Variants in EHD2 observed in about 807,000 individuals in gnomAD.
The protein encoded by EHD2 is EH domain-containing protein 2.
EHD2 carries 27 observed loss-of-function variants against 41.0 expected under a neutral mutation model. The observed-to-expected ratio is 0.66, with a 90% CI of 0.49 to 0.91. The LOEUF (loss-of-function observed/expected upper bound fraction) is 0.91, where lower values mean the gene tolerates loss of function less well. EHD2 is among the 40% of genes least tolerant of loss of function. The pLI is 0.00. For synonymous variants in EHD2, 342 were observed against 341.0 expected, an observed-to-expected ratio of 1.00 and a Z score of -0.03; for missense variants, 673 against 773.9, an observed-to-expected ratio of 0.87 and a Z score of 1.55.
intron 5 of EHD2, among the ~76,000 whole-genome samples, chr19:47,740,674 A>G (rs1328666802): frequency 1.3e-5 from 2 of 152,178 alleles, no homozygotes; most frequent in African/African-American, 4.8e-5. Context: ...TGAAACCGGA[A>G]GGCGGACGTT....
At chr19:47,730,109 C>T (rs1156546778) in intron 4 of EHD2, among the ~76,000 whole-genome samples, 2 of 152,048 alleles carry the variant, frequency 1.3e-5, no homozygotes, top group African/African-American at 2.4e-5. Context: ...CCCCGCCGGG[C>T]TGGGGGCGGC....
At position 47,726,111 on chromosome 19, in the gene EHD2, C is replaced by A. The variant is rs560354382; in HGVS notation, c.802C>A (p.Arg268=). Residue 268 remains arginine (R), a synonymous_variant, in exon 4 of 6, where the codon CGG becomes AGG. Transcript: ENST00000263277. ...WSQPLLVPDN[R]RLFELEEQDL... ...CCAGCCCCTCCTCGTGCCCGACAACCGGCGCCTCTTCGAGCTGGAGGAGCA... is the reference window on the plus strand; with the variant it reads ...CCAGCCCCTCCTCGTGCCCGACAACAGGCGCCTCTTCGAGCTGGAGGAGCA... 2.5e-5 allele frequency: 39 copies of A among 1,575,474 alleles called. No individual in the cohort carries two copies. In the South Asian group the frequency reaches 4.0e-4, roughly 16 times the overall value.
chr19:47,733,771 A>AAAAAAAAAAAAAAAAAACAAAAAAAAC (rs1568592556), intron 4 of EHD2, among the ~76,000 whole-genome samples: 1 of 149,786 alleles, frequency 6.7e-6, no homozygotes. Flanking sequence ...AAAAAAAAAA[A>AAAAAAAAAAAAAAAAAACAAAAAAAAC]AAAATCCACT....
chr19:47,735,409 C>T (rs1177235384), intron 4 of EHD2, among the ~76,000 whole-genome samples: 1 of 152,110 alleles, frequency 6.6e-6, no homozygotes, highest in Non-Finnish European at 1.5e-5. Flanking sequence ...CAGTGTGGCA[C>T]CTCCGCCTGC....
chr19:47,731,484 A>AT (rs935978837), intron 4 of EHD2: 1 of 149,150 alleles, frequency 6.7e-6, no homozygotes, highest in African/African-American at 2.5e-5. Flanking sequence ...TAATTTTTGT[A>AT]TTTTTAGTAG....
intron 3 of EHD2, among the ~76,000 whole-genome samples, chr19:47,723,644 A>T (rs1386374083): frequency 2.6e-5 from 3 of 117,298 alleles, no homozygotes; most frequent in Non-Finnish European, 4.9e-5. Flanking sequence ...CGACAGCGAG[A>T]CTCCGTCTGA....
chr19:47,726,058 TGCGC>T lies in EHD2; in HGVS notation c.751_754del (p.Arg251SerfsTer47). 6.3e-7 allele frequency: 1 copy of T among 1,585,908 alleles called. No individual in the cohort carries two copies. Among genetic ancestry groups the T allele is most frequent in the East Asian group, 2.3e-5 (1 of 43,200 alleles). ...AAGGTGGTGGGCACGCCCGAGGTGC[TGCGC>T]GTCTACATCGGCTCCTTCTGGTCCC... On this transcript the variant is annotated frameshift_variant, in exon 4 of 6. Transcript: ENST00000263277. LOFTEE classifies it high-confidence loss of function.
intron 5 of EHD2, among the ~76,000 whole-genome samples, chr19:47,740,155 CAGG>C (rs1966969954): frequency 1.3e-5 from 2 of 152,262 alleles, no homozygotes; most frequent in South Asian, 4.1e-4. Flanking sequence ...GGCTTGAGCT[CAGG>C]AGTTCGAGAC....
rs549206164 is a variant in EHD2 at position 47,719,434 on chromosome 19, G to A, written c.502+828G>A. ...AACAGCTGTGCAAGGAGAGTGGCGG[G>A]GGGTGGATTCCAGCCGGGGCCTCCG... On this transcript the variant is annotated intron_variant, in intron 3 of 5. Coordinates refer to ENST00000263277, the MANE Select transcript of EHD2 (RefSeq NM_014601.4). The surrounding 1 kb of genome is among the most constrained non-coding windows in gnomAD (Gnocchi z 4.1). Among the ~76,000 whole-genome samples, 4 of 152,200 alleles carry A rather than the reference G, an allele frequency of 2.6e-5. No homozygotes were observed. The highest frequency in any genetic ancestry group is 9.6e-5 in the African/African-American group (4 of 41,534).
In EHD2 at chr19:47,742,140, C is replaced by CT; in HGVS notation, c.*710dup. 3.1e-6 allele frequency: 1 copy of CT among 326,144 alleles called. No individual in the cohort carries two copies. Among genetic ancestry groups the CT allele is most frequent in the South Asian group, 2.2e-5 (1 of 44,774 alleles). 20.2% of individuals were successfully genotyped at this position (326,144 alleles called of 1,614,324 possible). ...ACCCATTTATTTCCTTCCTTCCTTC[C>CT]TTCTTTTCTTTCCTTCCTTCCTTCT... On this transcript the variant is annotated 3_prime_UTR_variant, in exon 6 of 6. Transcript: ENST00000263277.
At chr19:47,723,398 A>G (rs1343109269) in intron 3 of EHD2, among the ~76,000 whole-genome samples, 2 of 152,192 alleles carry the variant, frequency 1.3e-5, no homozygotes, top group Non-Finnish European at 2.9e-5. Context: ...TCAGTGGCTC[A>G]TGCCTGTAAT....
At chr19:47,733,685 T>C (rs933786934) in intron 4 of EHD2, among the ~76,000 whole-genome samples, 2 of 115,796 alleles carry the variant, frequency 1.7e-5, no homozygotes, top group Admixed American at 2.2e-4. Flanking sequence ...AATAAATAAA[T>C]AAATAAATAA....
chr19:47,720,266 T>C (rs1973681564), intron 3 of EHD2, among the ~76,000 whole-genome samples: 1 of 152,020 alleles, frequency 6.6e-6, no homozygotes, highest in South Asian at 2.1e-4. Context: ...CGAGTTCAAG[T>C]GGCTCTGCTG....
intron 3 of EHD2, among the ~76,000 whole-genome samples, chr19:47,724,981 CAAAAAAAAAAAAAAAAAAA>C (rs57660216): frequency 1.3e-4 from 7 of 53,818 alleles, no homozygotes; most frequent in African/African-American, 3.6e-4. Context: ...GACTCTGTCT[CAAAAAAAAAAAAAAAAAAA>C]AAAAAAAAAA....
At chr19:47,735,175 A>G (rs1055258557) in intron 4 of EHD2, among the ~76,000 whole-genome samples, 1 of 152,218 alleles carries the variant, frequency 6.6e-6, no homozygotes, top group Non-Finnish European at 1.5e-5. Context: ...TCTGAGGGCT[A>G]GGCTCAAATT....
chr19:47,736,612 A>C, intron 5 of EHD2, 79 bp downstream of exon 5: 2 of 1,466,090 alleles, frequency 1.4e-6, no homozygotes, highest in Non-Finnish European at 1.8e-6. Context: ...ATGGGACCTC[A>C]AAAGCCAGAG....
intron 2 of EHD2, among the ~76,000 whole-genome samples, chr19:47,718,251 C>T (rs894230313): frequency 3.0e-5 from 4 of 131,978 alleles, no homozygotes; most frequent in African/African-American, 1.2e-4. Context: ...CCAGCCTGGG[C>T]GACAACAGCA....
chr19:47,723,823 G>A (rs1181084675), intron 3 of EHD2, among the ~76,000 whole-genome samples: 1 of 151,896 alleles, frequency 6.6e-6, no homozygotes, highest in Non-Finnish European at 1.5e-5. Context: ...GACTACAGAT[G>A]CATGCCAACA....
chr19:47,723,940 C>T (rs1267517395), intron 3 of EHD2, among the ~76,000 whole-genome samples: 1 of 152,108 alleles, frequency 6.6e-6, no homozygotes, highest in Non-Finnish European at 1.5e-5. Context: ...CTGCCTCTAC[C>T]TCCCAAAGTG....
Sources: allele counts gnomAD v4.1 joint callset (sites outside exome capture counted in the v4.1 genomes callset), GRCh38; gene constraint gnomAD v4.1.1; non-coding constraint Gnocchi (gnomAD v3.1); transcripts MANE v1.5; gene names NCBI Gene and HGNC (gene_info 2026-07-23, HGNC 2026-07-21).